Variants in ARID3A observed in about 807,000 individuals in gnomAD.
The protein encoded by ARID3A is AT-rich interactive domain-containing protein 3A.
A neutral mutation model predicts 52.7 loss-of-function variants in ARID3A; 11 were observed. The ratio of observed to expected loss-of-function variants is 0.21; its 90% confidence interval spans 0.13 to 0.35. The LOEUF (loss-of-function observed/expected upper bound fraction) is 0.35. Ranked by LOEUF, ARID3A falls within the 10% of genes least tolerant of loss-of-function variation. The pLI is 1.00. For missense variants in ARID3A, 721 were observed against 838.5 expected (o/e 0.86, Z 1.73); for synonymous variants, 404 against 359.4 (o/e 1.12, Z -1.40).
intron 8 of ARID3A, 106 bp downstream of exon 8, chr19:968,609 G>T: frequency 1.0e-6 from 1 of 987,210 alleles, no homozygotes; most frequent in Non-Finnish European, 1.6e-6. Context: ...CTAGGTGTGC[G>T]GGCGAGCAGG....
chr19:940,545 A>G (rs1456437797), intron 3 of ARID3A, among the ~76,000 whole-genome samples: 2 of 151,946 alleles, frequency 1.3e-5, no homozygotes, highest in Non-Finnish European at 1.5e-5. Context: ...AGAGGCCAAC[A>G]CTGCAGCTGG....
At chr19:958,058 G>A (rs1197451879) in intron 3 of ARID3A, 1 of 151,900 alleles carries the variant, frequency 6.6e-6, no homozygotes, top group Non-Finnish European at 1.5e-5. Flanking sequence ...GTTGCAGCGA[G>A]CTGAGATTGC....
intron 1 of ARID3A, among the ~76,000 whole-genome samples, chr19:927,604 T>G (rs1324697681): frequency 6.7e-6 from 1 of 148,718 alleles, no homozygotes; most frequent in Non-Finnish European, 1.5e-5. Context: ...GGGGGGGCCT[T>G]GTCTTGAAGT....
At position 940,760 on chromosome 19, in the gene ARID3A, G is replaced by A. The variant is rs989272139; in HGVS notation, c.693+8018G>A. Among the ~76,000 whole-genome samples, 11 of 152,260 alleles carry A rather than the reference G, an allele frequency of 7.2e-5. No individual in the cohort carries two copies. In the East Asian group the frequency reaches 1.5e-3, roughly 21 times the overall value. ...CTCGGCCGCCAGCCCTGGTGCCGGC[G>A]TCTTCCTGGGCCTCCGGGAGCCCCG... is the stretch of plus-strand genomic sequence containing the variant. On this transcript the variant is annotated intron_variant, in intron 3 of 8. Transcript: ENST00000263620.
At position 929,158 on chromosome 19, in the gene ARID3A, C is replaced by T. The variant is rs2037262585; in HGVS notation, c.-267-104C>T. The T allele has an allele frequency of 6.2e-6, 1 of 162,252 alleles. No individual in the cohort carries two copies. The highest frequency in any genetic ancestry group is 2.0e-4 in the South Asian group (1 of 4,962). The allele number at this position is 162,252 out of a possible 1,614,324, so 10.1% of individuals were successfully genotyped here. On this transcript the variant is annotated intron_variant, in intron 1 of 8. Coordinates refer to ENST00000263620, the MANE Select transcript of ARID3A (RefSeq NM_005224.3). This position sits in a 1 kb window ranked among gnomAD's most constrained non-coding sequence, Gnocchi z 6.2. ...AGAAGGCCTCCAGGTCTGCATCCTG[C>T]ATGAGATGGACATGAGAGCTGATCC...
At chr19:933,846 T>TGG (rs1555726109) in intron 3 of ARID3A, among the ~76,000 whole-genome samples, 2,361 of 42,770 alleles carry the variant, frequency 0.055, 75 homozygotes, top group Non-Finnish European at 0.063. Flanking sequence ...GGGGACTCGG[T>TGG]GGGGGGGGGG....
rs2038347646 is a variant in ARID3A, at chr19:974,785, C to G, written c.*2720C>G. On this transcript the variant is annotated 3_prime_UTR_variant, in exon 9 of 9. Transcript: ENST00000263620. ...CGTGTCGTGTCTGTGGGCGATCCGG[C>G]CTCCCGGCGGTGGGTGGACCTGGAT... 8.6e-6 allele frequency: 2 copies of G among 231,550 alleles called. No individual in the cohort carries two copies. The highest frequency in any genetic ancestry group is 1.7e-5 in the Non-Finnish European group (2 of 117,230). 14.3% of individuals were successfully genotyped at this position (231,550 alleles called of 1,614,324 possible).
At chr19:930,287 TA>T (rs1320493084) in intron 2 of ARID3A, among the ~76,000 whole-genome samples, 1 of 151,720 alleles carries the variant, frequency 6.6e-6, no homozygotes, top group Admixed American at 6.6e-5. Flanking sequence ...TGCTGTGGCT[TA>T]CGCCCGTAAT....
At chr19:948,661 C>T (rs2037737141) in intron 3 of ARID3A, among the ~76,000 whole-genome samples, 1 of 149,018 alleles carries the variant, frequency 6.7e-6, no homozygotes, top group Admixed American at 6.7e-5. Context: ...TTCCTGGCCT[C>T]TGGACTCTGT....
chr19:965,188 C>G (rs927550032), intron 6 of ARID3A, 108 bp downstream of exon 6: 9 of 1,316,780 alleles, frequency 6.8e-6, no homozygotes, highest in Non-Finnish European at 8.1e-6. Flanking sequence ...GATGAAAAAC[C>G]CTATAGTTGG....
chr19:959,620 C>G lies in ARID3A; in HGVS notation c.694-472C>G, dbSNP rs1320860683. Among the ~76,000 whole-genome samples, 1 of 152,150 alleles carries G rather than the reference C, an allele frequency of 6.6e-6. No homozygotes were observed. The highest frequency in any genetic ancestry group is 1.5e-5 in the Non-Finnish European group (1 of 68,038). Reference sequence around the variant, plus strand: ...TCCGGGACCGCGGGAGAATAGATTTCTGTTGCTTTAAGCTGCAACGTGTGG... The same window carrying G: ...TCCGGGACCGCGGGAGAATAGATTTGTGTTGCTTTAAGCTGCAACGTGTGG... On this transcript the variant is annotated intron_variant, in intron 3 of 8. Transcript: ENST00000263620. This position sits in a 1 kb window ranked among gnomAD's most constrained non-coding sequence, Gnocchi z 5.0.
Position 947,557 on chromosome 19 carries a change from T to A in ARID3A, c.694-12535T>A, listed in dbSNP as rs1460931187. 6.6e-6 allele frequency among the ~76,000 whole-genome samples: 1 copy of A among 151,962 alleles called. No individual in the cohort carries two copies. The highest frequency in any genetic ancestry group is 1.9e-4 in the East Asian group (1 of 5,178). ...CCCCACCCAGATGCCCCGGGACCGT[T>A]TCACAGATGAGAAGACCGAGGTGCC... On this transcript the variant is annotated intron_variant, in intron 3 of 8. Transcript: ENST00000263620. The surrounding 1 kb of genome is among the most constrained non-coding windows in gnomAD (Gnocchi z 6.3).
chr19:960,015 C>A lies in ARID3A; in HGVS notation c.694-77C>A. 2 of 1,316,988 alleles carry A rather than the reference C, an allele frequency of 1.5e-6. No homozygotes were observed. The highest frequency in any genetic ancestry group is 1.1e-6 in the Non-Finnish European group (1 of 934,542). 81.6% of individuals were successfully genotyped at this position (1,316,988 alleles called of 1,614,324 possible). On this transcript the variant is annotated intron_variant, in intron 3 of 8. Coordinates refer to ENST00000263620, the MANE Select transcript of ARID3A (RefSeq NM_005224.3). This position sits in a 1 kb window ranked among gnomAD's most constrained non-coding sequence, Gnocchi z 4.3. ...CCCTGCTCCTGTCCTCCTGACCTGG[C>A]CTCCAGTGCAGGAGGGACATGGTTC...
At chr19:956,593 G>A (rs1164390353) in intron 3 of ARID3A, 1 of 152,362 alleles carries the variant, frequency 6.6e-6, no homozygotes, top group Non-Finnish European at 1.5e-5. Flanking sequence ...CAGCTGAAGG[G>A]GAAAGGGCCT....
At chr19:954,977 C>T (rs557402676) in intron 3 of ARID3A, among the ~76,000 whole-genome samples, 115 of 152,216 alleles carry the variant, frequency 7.6e-4, no homozygotes, top group African/African-American at 2.5e-3. Flanking sequence ...AGGGAGTTTC[C>T]GGAGATTTTG....
rs5826711 is a variant in ARID3A at position 938,930 on chromosome 19, C to CTTTT, written c.693+6203_693+6206dup. ...CACATAGATACATTATTTTATCTCT[C>CTTTT]TTTTTTTTTTTTTTTTTTGAGACGG... On this transcript the variant is annotated intron_variant, in intron 3 of 8. Transcript: ENST00000263620. This position sits in a 1 kb window ranked among gnomAD's most constrained non-coding sequence, Gnocchi z 4.0. Among the ~76,000 whole-genome samples, 2 of 128,170 alleles carry CTTTT rather than the reference C, an allele frequency of 1.6e-5. No individual in the cohort carries two copies. Among genetic ancestry groups the CTTTT allele is most frequent in the East Asian group, 2.3e-4 (1 of 4,386 alleles). 84.1% of individuals were successfully genotyped at this position (128,170 alleles called of 152,430 possible).
At position 933,119 on chromosome 19, in the gene ARID3A, G is replaced by T. The variant is rs143254201; in HGVS notation, c.693+377G>T. ...GGGCGATGCGGGCAGAGAGGCCGGG[G>T]CCTTGGTGACGTGGTGACTTGGCCT... is the stretch of plus-strand genomic sequence containing the variant. On this transcript the variant is annotated intron_variant, in intron 3 of 8. Transcript: ENST00000263620. 3.5e-3 allele frequency among the ~76,000 whole-genome samples: 530 copies of T among 152,308 alleles called. 2 individuals are homozygous for T. Among genetic ancestry groups the T allele is most frequent in the African/African-American group, 0.012 (499 of 41,548 alleles).
chr19:949,827 C>T (rs1302716995), intron 3 of ARID3A, among the ~76,000 whole-genome samples: 2 of 152,098 alleles, frequency 1.3e-5, no homozygotes, highest in African/African-American at 4.8e-5. Context: ...AGGGGTTCAC[C>T]ACCACGCCCG....
chr19:973,216 G>A lies in ARID3A; in HGVS notation c.*1151G>A, dbSNP rs192449444. 641 of 168,318 alleles carry A rather than the reference G, an allele frequency of 3.8e-3. 5 individuals are homozygous for A. Among genetic ancestry groups the A allele is most frequent in the African/African-American group, 0.015 (621 of 40,872 alleles). 10.4% of individuals were successfully genotyped at this position (168,318 alleles called of 1,614,324 possible). A position where few individuals can be genotyped will look rare whatever the true frequency, so the allele number is the denominator to read the frequency against. Reference sequence around the variant, plus strand: ...CAACCTGCACCTCCCAGGTGCAAGCGATTCTCCTGCCTCAGCCTCCGGAGT... The same window carrying A: ...CAACCTGCACCTCCCAGGTGCAAGCAATTCTCCTGCCTCAGCCTCCGGAGT... On this transcript the variant is annotated 3_prime_UTR_variant, in exon 9 of 9. Coordinates refer to ENST00000263620, the MANE Select transcript of ARID3A (RefSeq NM_005224.3).
Sources: allele counts gnomAD v4.1 joint callset (sites outside exome capture counted in the v4.1 genomes callset), GRCh38; gene constraint gnomAD v4.1.1; non-coding constraint Gnocchi (gnomAD v3.1); transcripts MANE v1.5; gene names NCBI Gene and HGNC (gene_info 2026-07-23, HGNC 2026-07-21).